TRAF3IP1: variants seen among roughly 807,000 people sequenced by gnomAD.
TRAF3IP1 encodes the protein intraflagellar transport 54, also known as TRAF3-interacting protein 1.
In TRAF3IP1, 53 loss-of-function variants were observed where a neutral mutation model predicts 89.9. The observed-to-expected ratio is 0.59, with a 90% CI of 0.47 to 0.74. TRAF3IP1 has a LOEUF of 0.74. TRAF3IP1 is among the 30% of genes least tolerant of loss of function. TRAF3IP1 has a pLI of 0.00. For missense variants in TRAF3IP1, 806 were observed against 866.1 expected (o/e 0.93, Z 0.87); for synonymous variants, 311 against 322.1 (o/e 0.97, Z 0.37).
intron 15 of TRAF3IP1, among the ~76,000 whole-genome samples, chr2:238,396,499 T>A (rs1701229808): frequency 6.6e-6 from 1 of 151,156 alleles, no homozygotes; most frequent in Non-Finnish European, 1.5e-5. Flanking sequence ...CTGCACATTG[T>A]GTACATGTAC....
intron 15 of TRAF3IP1, among the ~76,000 whole-genome samples, chr2:238,382,814 C>T (rs2106366445): frequency 6.6e-6 from 1 of 151,768 alleles, no homozygotes; most frequent in East Asian, 1.9e-4. Context: ...CTCTCTAGTC[C>T]TGCTGCCACC....
chr2:238,357,894 G>A (rs1699490343), intron 15 of TRAF3IP1, among the ~76,000 whole-genome samples: 1 of 152,114 alleles, frequency 6.6e-6, no homozygotes, highest in Admixed American at 6.5e-5. Context: ...ATTTCAGATT[G>A]GTAAATCTTT....
At chr2:238,354,743 C>T (rs1223634581) in intron 14 of TRAF3IP1, among the ~76,000 whole-genome samples, 2 of 152,070 alleles carry the variant, frequency 1.3e-5, no homozygotes, top group Non-Finnish European at 2.9e-5. Flanking sequence ...CTCTGCCTCC[C>T]GGGGTCAAAA....
intron 15 of TRAF3IP1, among the ~76,000 whole-genome samples, chr2:238,366,945 C>T (rs535622664): frequency 4.0e-5 from 6 of 151,888 alleles, no homozygotes; most frequent in East Asian, 1.9e-4. Context: ...GGGCAGATCA[C>T]GAAGTCGGGA....
chr2:238,345,785 G>A lies in TRAF3IP1; in HGVS notation c.1261+1187G>A, dbSNP rs1054807036. ...TGAGAGTTGCTGGCGCTGGGTGATGGCAGGAGCCTGGGTGGGGACTGGGTC... is the reference window on the plus strand; with the variant it reads ...TGAGAGTTGCTGGCGCTGGGTGATGACAGGAGCCTGGGTGGGGACTGGGTC... On this transcript the variant is annotated intron_variant, in intron 9 of 16. Transcript: ENST00000373327. This position sits in a 1 kb window ranked among gnomAD's most constrained non-coding sequence, Gnocchi z 4.7. 4.6e-5 allele frequency among the ~76,000 whole-genome samples: 7 copies of A among 152,096 alleles called. No homozygotes were observed. Among genetic ancestry groups the A allele is most frequent in the Non-Finnish European group, 8.8e-5 (6 of 68,010 alleles).
chr2:238,331,973 T>C (rs1266994145), intron 5 of TRAF3IP1, among the ~76,000 whole-genome samples: 2 of 152,218 alleles, frequency 1.3e-5, no homozygotes, highest in African/African-American at 4.8e-5. Context: ...AAATAGTAGA[T>C]ATGAAAACAC....
At chr2:238,377,354 A>G (rs1012102326) in intron 15 of TRAF3IP1, among the ~76,000 whole-genome samples, 2 of 148,846 alleles carry the variant, frequency 1.3e-5, no homozygotes, top group African/African-American at 5.0e-5. Flanking sequence ...CCTCCTCCCA[A>G]GTAGCTGGGA....
At chr2:238,350,731 C>T (rs2106324054) in intron 12 of TRAF3IP1, among the ~76,000 whole-genome samples, 1 of 152,294 alleles carries the variant, frequency 6.6e-6, no homozygotes, top group East Asian at 1.9e-4. Context: ...TGGCTGACAG[C>T]TGACTTCAGG....
intron 7 of TRAF3IP1, among the ~76,000 whole-genome samples, 177 bp from the exon 8 acceptor site, chr2:238,338,185 G>T (rs1698474398): frequency 6.6e-6 from 1 of 152,060 alleles, no homozygotes. Context: ...AGGAGAGGGG[G>T]CTTCTTGTCA....
intron 12 of TRAF3IP1, among the ~76,000 whole-genome samples, chr2:238,351,000 G>C (rs1699128112): frequency 6.6e-6 from 1 of 152,152 alleles, no homozygotes; most frequent in African/African-American, 2.4e-5. Flanking sequence ...GAGGCATTAG[G>C]ATTGAGAGGC....
At chr2:238,371,684 C>T (rs1700118359) in intron 15 of TRAF3IP1, among the ~76,000 whole-genome samples, 1 of 152,096 alleles carries the variant, frequency 6.6e-6, no homozygotes, top group Admixed American at 6.5e-5. Flanking sequence ...GAAATATATC[C>T]TAAGTATAAA....
intron 15 of TRAF3IP1, among the ~76,000 whole-genome samples, chr2:238,386,537 T>C (rs933779516): frequency 6.6e-5 from 10 of 152,240 alleles, no homozygotes; most frequent in Admixed American, 3.9e-4. Context: ...GGTCTTGAAC[T>C]CCTGACCTCA....
chr2:238,394,344 G>A (rs533458296), intron 15 of TRAF3IP1, among the ~76,000 whole-genome samples: 1 of 152,336 alleles, frequency 6.6e-6, no homozygotes, highest in East Asian at 1.9e-4. Context: ...AGTTTGGTAG[G>A]ATTTGCATTA....
At chr2:238,325,403 A>G (rs765933913) in intron 2 of TRAF3IP1, 29 bp downstream of exon 2, 79 of 1,611,304 alleles carry the variant, frequency 4.9e-5, no homozygotes, top group Non-Finnish European at 6.5e-5. Context: ...TCTCCTATTG[A>G]CTCCTCGCCT....
intron 6 of TRAF3IP1, among the ~76,000 whole-genome samples, 157 bp downstream of exon 6, chr2:238,333,052 G>T (rs1306121053): frequency 6.6e-6 from 1 of 152,120 alleles, no homozygotes; most frequent in Non-Finnish European, 1.5e-5. Context: ...AAAGTAATCA[G>T]TTAAATGCTT....
chr2:238,371,413 G>T (rs1700107763), intron 15 of TRAF3IP1, among the ~76,000 whole-genome samples: 1 of 152,122 alleles, frequency 6.6e-6, no homozygotes, highest in Non-Finnish European at 1.5e-5. Context: ...GGCCCTAAAT[G>T]CCAGAAGAAA....
chr2:238,397,029 T>C (rs1196878171), intron 15 of TRAF3IP1, among the ~76,000 whole-genome samples: 1 of 152,168 alleles, frequency 6.6e-6, no homozygotes, highest in Non-Finnish European at 1.5e-5. Flanking sequence ...GGATGGAAGG[T>C]GGGCCATTTG....
chr2:238,393,899 A>G (rs1367914583), intron 15 of TRAF3IP1, among the ~76,000 whole-genome samples: 1 of 152,122 alleles, frequency 6.6e-6, no homozygotes, highest in East Asian at 1.9e-4. Context: ...GATTACTGTA[A>G]TTGTATAAAA....
chr2:238,320,700 T>C lies in TRAF3IP1; in HGVS notation c.38T>C (p.Leu13Pro). The change falls in exon 1 of 17, where the codon CTG (leucine) becomes CCG (proline). Residue 13 changes from leucine (L) to proline (P), a missense_variant. By Grantham distance (98) the Leu-to-Pro change is moderately conservative. Transcript: ENST00000373327. The stretch of plus-strand genomic sequence containing the variant: ...GTGGTGAGGCGGACGCAGGAGGCGC[T>C]GGGGAAAGTGATTCGGAGGCCGCCG... ...AAVVRRTQEALGKVIRRPPLT... is the reference protein window; with the variant it reads ...AAVVRRTQEAPGKVIRRPPLT... 2.1e-6 allele frequency: 3 copies of C among 1,432,494 alleles called. No homozygotes were observed. Among genetic ancestry groups the C allele is most frequent in the Non-Finnish European group, 2.8e-6 (3 of 1,080,174 alleles). The allele number at this position is 1,432,494 out of a possible 1,614,324, so 88.7% of individuals were successfully genotyped here.
Sources: gnomAD v4.1 joint callset for allele counts (sites outside exome capture counted in the v4.1 genomes callset) on GRCh38, gnomAD v4.1.1 for gene constraint, Gnocchi (gnomAD v3.1) non-coding constraint, MANE v1.5 for transcripts, NCBI Gene and HGNC (gene_info 2026-07-23, HGNC 2026-07-21) for gene names.